Variants in GREB1L observed in about 807,000 individuals in gnomAD.
GREB1L encodes GREB1-like protein.
GREB1L carries 17 observed loss-of-function variants against 200.8 expected under a neutral mutation model. The ratio of observed to expected loss-of-function variants is 0.08; its 90% CI spans 0.06 to 0.13. GREB1L has a LOEUF of 0.13. Among genes scored for constraint, GREB1L ranks in the 10% least tolerant of loss-of-function variants. The pLI, the probability that GREB1L is intolerant of heterozygous loss-of-function variation, is 1.00. For missense variants in GREB1L, 1,657 were observed against 2,367.7 expected, an observed-to-expected ratio of 0.70 and a Z score of 6.23; for synonymous variants, 789 against 893.0, an observed-to-expected ratio of 0.88 and a Z score of 2.08.
intron 2 of GREB1L, chr18:21,380,674 A>G (rs2040267556): frequency 6.6e-6 from 1 of 152,160 alleles, no homozygotes; most frequent in African/African-American, 2.4e-5. Context: ...TTGTTTTTTA[A>G]TCTGTGAAAT....
intron 1 of GREB1L, among the ~76,000 whole-genome samples, chr18:21,262,565 G>A (rs529791920): frequency 6.6e-6 from 1 of 152,172 alleles, no homozygotes; most frequent in African/African-American, 2.4e-5. Flanking sequence ...ACCTCATTTG[G>A]ATCAAAGCCC....
intron 17 of GREB1L, among the ~76,000 whole-genome samples, chr18:21,478,122 T>A (rs1297581567): frequency 6.6e-6 from 1 of 152,176 alleles, no homozygotes; most frequent in Non-Finnish European, 1.5e-5. Context: ...AATTACTCTC[T>A]TGCTCCTCCA....
At chr18:21,261,852 CTTTAT>C (rs1031226519) in intron 1 of GREB1L, among the ~76,000 whole-genome samples, 8 of 152,044 alleles carry the variant, frequency 5.3e-5, no homozygotes, top group Non-Finnish European at 8.8e-5. Context: ...TTCTAAATAC[CTTTAT>C]TTTATTTTAA....
chr18:21,395,328 G>T, intron 4 of GREB1L, 57 bp from the exon 5 acceptor site: 1 of 1,285,368 alleles, frequency 7.8e-7, no homozygotes, highest in Non-Finnish European at 1.1e-6. Context: ...TGAGTGATAA[G>T]AAGATATAAT....
At chr18:21,517,809 T>C (rs1280301074) in intron 30 of GREB1L, among the ~76,000 whole-genome samples, 1 of 152,184 alleles carries the variant, frequency 6.6e-6, no homozygotes, top group Non-Finnish European at 1.5e-5. Flanking sequence ...CAGAGAAGCC[T>C]GCTTTCTTCT....
At chr18:21,311,901 G>T (rs2038797017) in intron 1 of GREB1L, among the ~76,000 whole-genome samples, 1 of 151,982 alleles carries the variant, frequency 6.6e-6, no homozygotes, top group South Asian at 2.1e-4. Flanking sequence ...TGTCACGGGG[G>T]TTTGTTGTAC....
intron 4 of GREB1L, among the ~76,000 whole-genome samples, chr18:21,385,443 C>T (rs1479617294): frequency 8.0e-6 from 1 of 125,186 alleles, no homozygotes; most frequent in African/African-American, 4.3e-5. Context: ...ATGAGGAAAC[C>T]TGAATAATTC....
chr18:21,448,608 G>A (rs1193539990), intron 11 of GREB1L, among the ~76,000 whole-genome samples: 1 of 152,198 alleles, frequency 6.6e-6, no homozygotes, highest in Non-Finnish European at 1.5e-5. Flanking sequence ...ACACTGAGGT[G>A]TCTGAGCTGG....
chr18:21,390,829 C>T (rs1032624642), intron 4 of GREB1L, among the ~76,000 whole-genome samples: 10 of 151,894 alleles, frequency 6.6e-5, no homozygotes, highest in African/African-American at 2.4e-4. Context: ...GCCACCGCGC[C>T]AGGCCAACAA....
At chr18:21,452,277 T>C in intron 14 of GREB1L, 60 bp downstream of exon 14, 1 of 1,476,958 alleles carries the variant, frequency 6.8e-7, no homozygotes, top group Non-Finnish European at 9.1e-7. Flanking sequence ...TTGTAAAAAC[T>C]AAGTCATTCT....
At chr18:21,387,283 T>C (rs531790528) in intron 4 of GREB1L, among the ~76,000 whole-genome samples, 2 of 152,320 alleles carry the variant, frequency 1.3e-5, no homozygotes, top group African/African-American at 4.8e-5. Context: ...TTGGAGATAA[T>C]TGGAGAATGC....
chr18:21,326,207 TATG>T (rs1462067966), intron 1 of GREB1L, among the ~76,000 whole-genome samples: 1 of 152,038 alleles, frequency 6.6e-6, no homozygotes, highest in African/African-American at 2.4e-5. Context: ...GTGTGTATAA[TATG>T]ATACCCACGT....
intron 7 of GREB1L, among the ~76,000 whole-genome samples, chr18:21,432,781 A>G (rs1325198286): frequency 1.5e-5 from 2 of 133,644 alleles, no homozygotes; most frequent in South Asian, 2.2e-4. Context: ...ATCTTGGCTC[A>G]CTGCAACCTC....
chr18:21,410,356 T>G (rs1201419855), intron 7 of GREB1L, among the ~76,000 whole-genome samples: 1 of 151,916 alleles, frequency 6.6e-6, no homozygotes, highest in Non-Finnish European at 1.5e-5. Context: ...GAATATATTA[T>G]TATAATATTA....
chr18:21,337,692 A>T lies in GREB1L; in HGVS notation c.-119-28335A>T, dbSNP rs1291958048. Among the ~76,000 whole-genome samples, 3 of 152,244 alleles carry T rather than the reference A, an allele frequency of 2.0e-5. No individual in the cohort carries two copies. In the East Asian group the frequency reaches 5.8e-4, roughly 29 times the overall value. On this transcript the variant is annotated intron_variant, in intron 1 of 32. Transcript: ENST00000424526. ...GTCAGACAGTGAGAGGTCTTTTTAA[A>T]AATTCTTTTTTTCACCGGGTGCAGT...
At chr18:21,253,280 T>C (rs1431775551) in intron 1 of GREB1L, among the ~76,000 whole-genome samples, 1 of 141,584 alleles carries the variant, frequency 7.1e-6, no homozygotes, top group Non-Finnish European at 1.5e-5. Flanking sequence ...TGAGATGGAG[T>C]CTTGCTCTGT....
intron 1 of GREB1L, among the ~76,000 whole-genome samples, chr18:21,268,560 C>CATATATATATAT (rs370094258): frequency 5.0e-4 from 32 of 63,524 alleles, no homozygotes; most frequent in African/African-American, 1.2e-3. Context: ...CACACACACA[C>CATATATATATAT]ATATATATAT....
chr18:21,505,937 C>T lies in GREB1L; in HGVS notation c.4356C>T (p.Thr1452=). 1 of 1,551,858 alleles carries T rather than the reference C, an allele frequency of 6.4e-7. No homozygotes were observed. Among genetic ancestry groups the T allele is most frequent in the East Asian group, 2.4e-5 (1 of 40,928 alleles). The change falls in exon 25 of 33, where the codon ACC becomes ACT. Residue 1452 remains threonine, a synonymous_variant. Transcript: ENST00000424526. ...CEQCRQYMDF[T]SASQMSDSTL... ...AGTGCCGCCAGTACATGGACTTCAC[C>T]TCTGCCTCCCAGGTACCATCCCACC...
At chr18:21,411,290 C>T (rs9960109) in intron 7 of GREB1L, among the ~76,000 whole-genome samples, 85,031 of 151,368 alleles carry the variant, frequency 0.56, 26,548 homozygotes, top group African/African-American at 0.85. Flanking sequence ...CACTGCAAGC[C>T]CCGCCTCCCG....
Sources: allele counts gnomAD v4.1 joint callset (sites outside exome capture counted in the v4.1 genomes callset), GRCh38; gene constraint gnomAD v4.1.1; transcripts MANE v1.5; gene names NCBI Gene and HGNC (gene_info 2026-07-23, HGNC 2026-07-21).